Variants in DNAH11 observed in about 807,000 individuals in gnomAD.
The protein encoded by DNAH11 is dynein axonemal heavy chain 11, also known as axonemal beta dynein heavy chain 11.
DNAH11 carries 442 observed loss-of-function variants against 526.0 expected under a neutral mutation model. The observed-to-expected ratio is 0.84, with a 90% CI of 0.78 to 0.91. The LOEUF (loss-of-function observed/expected upper bound fraction) is 0.91, where lower values mean the gene tolerates loss of function less well. DNAH11 is among the 40% of genes least tolerant of loss of function. The pLI, the probability that DNAH11 is intolerant of heterozygous loss-of-function variation, is 0.00. For synonymous variants in DNAH11, 2,461 were observed against 1,935.9 expected (o/e 1.27, Z -7.12); for missense variants, 6,989 against 5,448.7 (o/e 1.28, Z -8.90).
intron 65 of DNAH11, among the ~76,000 whole-genome samples, chr7:21,826,972 G>C (rs943257192): frequency 6.6e-6 from 1 of 152,174 alleles, no homozygotes; most frequent in Non-Finnish European, 1.5e-5. Flanking sequence ...AAAAGTTGAA[G>C]TTCATTAATA....
intron 30 of DNAH11, 115 bp downstream of exon 30, chr7:21,659,146 C>A: frequency 3.3e-6 from 3 of 899,450 alleles, no homozygotes; most frequent in Non-Finnish European, 5.0e-6. Context: ...AAATACTATG[C>A]TGGGAAGATT....
chr7:21,812,962 A>G (rs1962775), intron 63 of DNAH11, among the ~76,000 whole-genome samples: 61,731 of 151,886 alleles, frequency 0.41, 13,402 homozygotes, highest in East Asian at 0.82. Context: ...GGTAGAGAAG[A>G]TAAGGCAATT....
chr7:21,770,940 C>T (rs1787411488), intron 55 of DNAH11, among the ~76,000 whole-genome samples: 1 of 152,152 alleles, frequency 6.6e-6, no homozygotes, highest in East Asian at 1.9e-4. Flanking sequence ...TGTAAGTTTT[C>T]TTTCTTTAAT....
At chr7:21,576,346 G>A (rs1459596391) in intron 8 of DNAH11, among the ~76,000 whole-genome samples, 1 of 152,182 alleles carries the variant, frequency 6.6e-6, no homozygotes, top group East Asian at 1.9e-4. Context: ...ATTGCAGGAA[G>A]CCCAGAAAGG....
chr7:21,780,901 G>A (rs1270519756), intron 57 of DNAH11, among the ~76,000 whole-genome samples: 3 of 152,126 alleles, frequency 2.0e-5, no homozygotes, highest in Non-Finnish European at 4.4e-5. Flanking sequence ...GGAAAAGACC[G>A]ACATGAGACA....
At chr7:21,829,019 C>T (rs926677964) in intron 65 of DNAH11, among the ~76,000 whole-genome samples, 1 of 152,134 alleles carries the variant, frequency 6.6e-6, no homozygotes, top group African/African-American at 2.4e-5. Flanking sequence ...GACCAACTTG[C>T]ACAGCCCTTC....
At chr7:21,610,839 A>T (rs1468368286) in intron 20 of DNAH11, among the ~76,000 whole-genome samples, 1 of 152,244 alleles carries the variant, frequency 6.6e-6, no homozygotes, top group Non-Finnish European at 1.5e-5. Context: ...GATGGAAAAT[A>T]TAAAAGAGCC....
chr7:21,862,611 A>T lies in DNAH11; in HGVS notation c.11373+588A>T, dbSNP rs143274317. Among the ~76,000 whole-genome samples, 114 of 152,342 alleles carry T rather than the reference A, an allele frequency of 7.5e-4. 1 individual carries two copies. The highest frequency in any genetic ancestry group is 5.9e-3 in the Admixed American group (91 of 15,304). On this transcript the variant is annotated intron_variant, in intron 69 of 81. Transcript: ENST00000409508. Reference sequence around the variant, plus strand: ...CTACAATATAAACATGTATCGAAGCATCACAGTGTGCCACTTAAATATATA... The same window carrying T: ...CTACAATATAAACATGTATCGAAGCTTCACAGTGTGCCACTTAAATATATA...
intron 73 of DNAH11, among the ~76,000 whole-genome samples, chr7:21,872,149 A>C (rs867965218): frequency 0.01 from 1,421 of 137,246 alleles, 72 homozygotes; most frequent in African/African-American, 0.041. Context: ...AAAAAAAAAA[A>C]CCTTCATAAT....
chr7:21,690,085 G>A (rs912692099), intron 34 of DNAH11, among the ~76,000 whole-genome samples: 2 of 152,088 alleles, frequency 1.3e-5, no homozygotes, highest in African/African-American at 4.8e-5. Context: ...CCATGTTCTA[G>A]GCATTATACT....
intron 73 of DNAH11, among the ~76,000 whole-genome samples, chr7:21,869,744 C>G (rs1213171815): frequency 6.6e-6 from 1 of 152,244 alleles, no homozygotes; most frequent in African/African-American, 2.4e-5. Flanking sequence ...TCTGCCCCTA[C>G]CTAGTGTGTA....
chr7:21,591,699 AT>A, intron 14 of DNAH11, 122 bp downstream of exon 14: 1 of 985,768 alleles, frequency 1.0e-6, no homozygotes, highest in Non-Finnish European at 1.4e-6. Context: ...TATGAATGGT[AT>A]TATTAGGCAT....
chr7:21,738,754 G>C lies in DNAH11; in HGVS notation c.7699G>C (p.Gly2567Arg), dbSNP rs773410943. The C allele has an allele frequency of 3.8e-6, 6 of 1,588,446 alleles. No individual in the cohort carries two copies. The highest frequency in any genetic ancestry group is 4.3e-6 in the Non-Finnish European group (5 of 1,166,562). ...KKAGHNYGPGGNKKLIYFIDD... is the reference protein window; with the variant it reads ...KKAGHNYGPGRNKKLIYFIDD... Reference sequence around the variant, plus strand: ...AGCTGGTCATAACTATGGTCCTGGAGGAAATAAAAAATTGATTTATTTTAT... The same window carrying C: ...AGCTGGTCATAACTATGGTCCTGGACGAAATAAAAAATTGATTTATTTTAT... The change falls in exon 47 of 82, where the codon GGA becomes CGA. Residue 2567 changes from glycine (G) to arginine (R), a missense_variant. Coordinates refer to ENST00000409508, the MANE Select transcript of DNAH11 (RefSeq NM_001277115.2).
chr7:21,591,055 G>A (rs1377886339), intron 13 of DNAH11, 33 bp downstream of exon 13: 1 of 1,399,894 alleles, frequency 7.1e-7, no homozygotes. Context: ...AAGATACTAG[G>A]GCCTATTATG....
In DNAH11 at chr7:21,739,569, A is replaced by G. The variant is rs1166463469; in HGVS notation, c.7812-2A>G. On this transcript the variant is annotated splice_acceptor_variant, in intron 47 of 81. Coordinates refer to ENST00000409508, the MANE Select transcript of DNAH11 (RefSeq NM_001277115.2). LOFTEE classifies it high-confidence loss of function. ...TTTAAGGTTCTGTTTTCTGTCTTTCAGGTATGATAGACAGAAGGTGATGCT... is the reference window on the plus strand; with the variant it reads ...TTTAAGGTTCTGTTTTCTGTCTTTCGGGTATGATAGACAGAAGGTGATGCT... 6.2e-7 allele frequency: 1 copy of G among 1,609,054 alleles called. No homozygotes were observed. The highest frequency in any genetic ancestry group is 1.3e-5 in the African/African-American group (1 of 74,824).
At chr7:21,560,055 C>T (rs747156305) in intron 4 of DNAH11, among the ~76,000 whole-genome samples, 2 of 152,076 alleles carry the variant, frequency 1.3e-5, no homozygotes, top group African/African-American at 2.4e-5. Flanking sequence ...CCCAGGGAAG[C>T]GTTGAAGACT....
chr7:21,763,661 C>A (rs975749362), intron 54 of DNAH11, among the ~76,000 whole-genome samples: 2 of 151,068 alleles, frequency 1.3e-5, no homozygotes, highest in Admixed American at 1.3e-4. Flanking sequence ...AGGTATATAG[C>A]CAAGGACATT....
chr7:21,856,153 G>A (rs542734363), intron 68 of DNAH11, among the ~76,000 whole-genome samples: 3 of 152,250 alleles, frequency 2.0e-5, no homozygotes, highest in Non-Finnish European at 2.9e-5. Flanking sequence ...ACTGAATCAC[G>A]CAGAGTTTTG....
intron 40 of DNAH11, 34 bp from the exon 41 acceptor site, chr7:21,710,514 TCGTAG>T (rs1475809486): frequency 6.6e-7 from 1 of 1,518,212 alleles, no homozygotes; most frequent in Non-Finnish European, 8.9e-7. Flanking sequence ...TATCAATCTA[TCGTAG>T]AAATAAACAG....
Sources: allele counts gnomAD v4.1 joint callset (sites outside exome capture counted in the v4.1 genomes callset), GRCh38; gene constraint gnomAD v4.1.1; transcripts MANE v1.5; gene names NCBI Gene and HGNC (gene_info 2026-07-23, HGNC 2026-07-21).